C1orf141: variants seen among roughly 807,000 people sequenced by gnomAD.
C1orf141 encodes uncharacterized protein C1orf141.
In C1orf141, 19 loss-of-function variants were observed where a neutral mutation model predicts 23.2. The observed-to-expected ratio is 0.82, with a 90% CI of 0.57 to 1.20. The LOEUF (loss-of-function observed/expected upper bound fraction) is 1.20. C1orf141 is among the 50% of genes most tolerant of loss of function. The pLI is 0.00. For missense variants in C1orf141, 469 were observed against 455.1 expected (o/e 1.03, Z -0.28); for synonymous variants, 153 against 154.6 (o/e 0.99, Z 0.08).
At chr1:67,105,104 A>G (rs1346737830) in intron 5 of C1orf141, among the ~76,000 whole-genome samples, 1 of 152,096 alleles carries the variant, frequency 6.6e-6, no homozygotes, top group Non-Finnish European at 1.5e-5. Context: ...AGGCGGGTGG[A>G]TCACCTGAGG....
chr1:67,121,851 T>G (rs1289759395), intron 4 of C1orf141: 1 of 152,154 alleles, frequency 6.6e-6, no homozygotes, highest in East Asian at 1.9e-4. Flanking sequence ...CTACTCTCAG[T>G]TGAGGGAACA....
chr1:67,102,559 TC>T lies in C1orf141; in HGVS notation c.347-6239del, dbSNP rs560871330. 6 of 152,186 alleles carry T rather than the reference TC, an allele frequency of 3.9e-5. No individual in the cohort carries two copies. The East Asian group carries it at 1.2e-3, about 29-fold the overall frequency. 9.4% of individuals were successfully genotyped at this position (152,186 alleles called of 1,614,324 possible). ...TCACACAACCTATCTTGAATAGTTGTCATCATATTGTACAGCAAGGATAGGA... is the reference window on the plus strand; with the variant it reads ...TCACACAACCTATCTTGAATAGTTGTATCATATTGTACAGCAAGGATAGGA... On this transcript the variant is annotated intron_variant, in intron 5 of 7. Transcript: ENST00000684719.
At chr1:67,111,110 A>G (rs541436737) in intron 5 of C1orf141, among the ~76,000 whole-genome samples, 2 of 152,060 alleles carry the variant, frequency 1.3e-5, no homozygotes, top group South Asian at 4.2e-4. Context: ...TGCTGAAGTG[A>G]TTATCAAGAG....
chr1:67,115,377 T>C lies in C1orf141; in HGVS notation c.321A>G (p.Val107=). The C allele has an allele frequency of 7.5e-7, 1 of 1,340,258 alleles. No homozygotes were observed. Among genetic ancestry groups the C allele is most frequent in the Non-Finnish European group, 1.1e-6 (1 of 945,576 alleles). The allele number at this position is 1,340,258 out of a possible 1,614,324, so 83.0% of individuals were successfully genotyped here. ...NLRPFFIQTN[V]KNKESESTAQ... Reference sequence around the variant, plus strand: ...CTGTTGACTCACTTTCTTTATTTTTTACATTTGTTTGAATAAAGAATGGTC... The same window carrying C: ...CTGTTGACTCACTTTCTTTATTTTTCACATTTGTTTGAATAAAGAATGGTC... Residue 107 remains valine, a synonymous_variant, in exon 5 of 8, where the codon GTA becomes GTG. Transcript: ENST00000684719.
At chr1:67,114,618 C>G (rs149606884) in intron 5 of C1orf141, among the ~76,000 whole-genome samples, 1 of 152,128 alleles carries the variant, frequency 6.6e-6, no homozygotes, top group African/African-American at 2.4e-5. Context: ...GAAGGCAACA[C>G]GAAAAGCTCA....
At chr1:67,099,774 C>T (rs925824230) in intron 5 of C1orf141, among the ~76,000 whole-genome samples, 1 of 152,120 alleles carries the variant, frequency 6.6e-6, no homozygotes, top group African/African-American at 2.4e-5. Flanking sequence ...GAAACTCTGT[C>T]TCAAAAGAAA....
intron 1 of C1orf141, among the ~76,000 whole-genome samples, chr1:67,133,903 A>G (rs1468474218): frequency 6.6e-6 from 1 of 152,254 alleles, no homozygotes; most frequent in Non-Finnish European, 1.5e-5. Flanking sequence ...TTTTGTCATG[A>G]CAGTCCCAGC....
At chr1:67,115,304 G>A in intron 5 of C1orf141, 48 bp downstream of exon 5, 1 of 701,366 alleles carries the variant, frequency 1.4e-6, no homozygotes. Flanking sequence ...AATAAATAAA[G>A]CACCCATTAA....
At chr1:67,118,398 A>T (rs1260768130) in intron 4 of C1orf141, among the ~76,000 whole-genome samples, 1 of 152,208 alleles carries the variant, frequency 6.6e-6, no homozygotes, top group Non-Finnish European at 1.5e-5. Flanking sequence ...CTTCCTCCAC[A>T]AAACTGATGA....
chr1:67,125,466 G>C (rs1646387468), intron 4 of C1orf141, among the ~76,000 whole-genome samples: 1 of 152,138 alleles, frequency 6.6e-6, no homozygotes, highest in African/African-American at 2.4e-5. Flanking sequence ...GGGAAGCCTA[G>C]GTGGGTGGAT....
chr1:67,103,546 A>G (rs1645854194), intron 5 of C1orf141, among the ~76,000 whole-genome samples: 2 of 152,128 alleles, frequency 1.3e-5, no homozygotes. Flanking sequence ...TTAATTCTCA[A>G]AAAAACCTAC....
Position 67,093,398 on chromosome 1 carries a change from T to A in C1orf141, c.810A>T (p.Lys270Asn). ...NQSISLFKPQKTMPTVQRKDI... is the reference protein window; with the variant it reads ...NQSISLFKPQNTMPTVQRKDI... ...CTTTTCTCTGTACTGTAGGCATAGT[T>A]TTTTGGGGTTTGAAAAGAGAAATAG... The change falls in exon 8 of 8, where the codon AAA becomes AAT. Residue 270 changes from lysine (K) to asparagine (N), a missense_variant. Transcript: ENST00000684719. The A allele has an allele frequency of 1.2e-6, 2 of 1,613,004 alleles. No homozygotes were observed. Among genetic ancestry groups the A allele is most frequent in the Admixed American group, 3.3e-5 (2 of 59,800 alleles).
chr1:67,134,032 T>G (rs1397967621), intron 1 of C1orf141, among the ~76,000 whole-genome samples: 1 of 152,162 alleles, frequency 6.6e-6, no homozygotes, highest in Non-Finnish European at 1.5e-5. Flanking sequence ...ACGGTCTCAC[T>G]GATTCTGTCA....
upstream of C1orf141, among the ~76,000 whole-genome samples, chr1:67,135,242 T>G (rs1243156371): frequency 1.3e-5 from 2 of 152,262 alleles, no homozygotes; most frequent in Non-Finnish European, 2.9e-5. Context: ...TTCCCCTTAT[T>G]GTACCTCCTT....
At chr1:67,125,061 T>C (rs1273998159) in intron 4 of C1orf141, among the ~76,000 whole-genome samples, 1 of 152,206 alleles carries the variant, frequency 6.6e-6, no homozygotes, top group African/African-American at 2.4e-5. Flanking sequence ...AAAGACCAAG[T>C]ATGACATATT....
intron 2 of C1orf141, among the ~76,000 whole-genome samples, chr1:67,130,445 G>A (rs1012988072): frequency 2.6e-5 from 4 of 152,128 alleles, no homozygotes; most frequent in African/African-American, 9.7e-5. Flanking sequence ...ACAGTAAGGT[G>A]TCCTACACCT....
At chr1:67,125,088 A>C (rs983072985) in intron 4 of C1orf141, among the ~76,000 whole-genome samples, 10 of 152,194 alleles carry the variant, frequency 6.6e-5, no homozygotes, top group African/African-American at 2.4e-4. Flanking sequence ...GTCCCTTTTA[A>C]GTGCACAGAG....
At chr1:67,121,312 CT>C (rs1658790137) in intron 4 of C1orf141, among the ~76,000 whole-genome samples, 1 of 152,106 alleles carries the variant, frequency 6.6e-6, no homozygotes, top group African/African-American at 2.4e-5. Flanking sequence ...GTAAGGCATA[CT>C]TTTTTTGGTA....
At position 67,093,195 on chromosome 1, in the gene C1orf141, T is replaced by A. The variant is rs1278647321; in HGVS notation, c.1013A>T (p.His338Leu). 1 of 1,611,702 alleles carries A rather than the reference T, an allele frequency of 6.2e-7. No homozygotes were observed. The highest frequency in any genetic ancestry group is 1.7e-5 in the Admixed American group (1 of 60,010). ...TTTTCCAGTTTGGGCACTCATTTCA[T>A]GAATAACAGCTTTATCAAGGTAACC... ...FVGYLDKAVI[H>L]EMSAQTGKFE... is the part of the protein sequence containing the mutation. Residue 338 changes from histidine to leucine, a missense_variant, in exon 8 of 8, where the codon CAT (histidine) becomes CTT (leucine). His to Leu is a moderately conservative substitution (Grantham distance 99). Around this residue, in one of 3 missense-constraint regions of C1orf141, gnomAD observed 370 missense variants for 348.1 expected, o/e 1.06. Coordinates refer to ENST00000684719, the MANE Select transcript of C1orf141 (RefSeq NM_001276351.2).
Sources: gnomAD v4.1 joint callset for allele counts (sites outside exome capture counted in the v4.1 genomes callset) on GRCh38, gnomAD v4.1.1 for gene constraint, gnomAD v4.1.1 regional missense constraint, MANE v1.5 for transcripts, NCBI Gene and HGNC (gene_info 2026-07-23, HGNC 2026-07-21) for gene names.